Variants in FAM107B observed in about 807,000 individuals in gnomAD.
FAM107B encodes protein FAM107B.
In FAM107B, 21 loss-of-function variants were observed where a neutral mutation model predicts 31.5. The observed-to-expected ratio is 0.67, with a 90% CI of 0.47 to 0.96. The LOEUF is 0.96. FAM107B is among the 40% of genes least tolerant of loss of function. FAM107B has a pLI of 0.00. For synonymous variants in FAM107B, 157 were observed against 141.5 expected, an observed-to-expected ratio of 1.11 and a Z score of -0.78; for missense variants, 452 against 377.1, an observed-to-expected ratio of 1.20 and a Z score of -1.64.
chr10:14,727,001 G>A (rs1856049981), intron 1 of FAM107B, among the ~76,000 whole-genome samples: 1 of 151,912 alleles, frequency 6.6e-6, no homozygotes, highest in African/African-American at 2.4e-5. Context: ...TGGGGGTGAT[G>A]GGAGACAGTT....
chr10:14,531,791 C>T (rs1366217349), intron 2 of FAM107B, among the ~76,000 whole-genome samples: 1 of 152,120 alleles, frequency 6.6e-6, no homozygotes, highest in Non-Finnish European at 1.5e-5. Flanking sequence ...GCCGAGATCG[C>T]ACCATTGCAC....
chr10:14,521,424 G>A, intron 4 of FAM107B, 118 bp from the exon 5 acceptor site: 1 of 802,910 alleles, frequency 1.2e-6, no homozygotes, highest in Non-Finnish European at 2.0e-6. Flanking sequence ...ATTCTCTCCT[G>A]GTCCCCCACT....
In FAM107B at chr10:14,739,659, T is replaced by A. The variant is rs1856391206; in HGVS notation, c.411+34594A>T. ...TGAATGAGCGAATAAAGGGAAAATA[T>A]TTCATTTCCCAGACCACAAGAATTG... On this transcript the variant is annotated intron_variant, in intron 1 of 4. Coordinates refer to ENST00000181796, the MANE Select transcript of FAM107B (RefSeq NM_031453.4). 4.6e-5 allele frequency among the ~76,000 whole-genome samples: 7 copies of A among 152,218 alleles called. No individual in the cohort carries two copies. In the South Asian group the frequency reaches 1.2e-3, roughly 27 times the overall value.
At chr10:14,595,657 T>G (rs1852166432) in intron 2 of FAM107B, among the ~76,000 whole-genome samples, 3 of 152,058 alleles carry the variant, frequency 2.0e-5, no homozygotes, top group African/African-American at 7.2e-5. Flanking sequence ...AACTTTTTAC[T>G]TCTCTCCCCC....
At chr10:14,756,322 A>G (rs533130734) in intron 1 of FAM107B, among the ~76,000 whole-genome samples, 2 of 152,352 alleles carry the variant, frequency 1.3e-5, no homozygotes, top group Non-Finnish European at 2.9e-5. Context: ...GCTAGGGCAC[A>G]GTACCTAGGT....
chr10:14,712,292 T>A (rs571756400), intron 1 of FAM107B, among the ~76,000 whole-genome samples: 2 of 151,662 alleles, frequency 1.3e-5, no homozygotes, highest in South Asian at 2.1e-4. Flanking sequence ...TAAAAAAAAA[T>A]GTTTAAAAAG....
chr10:14,767,055 T>TAGAGAGAGAGAG lies in FAM107B; in HGVS notation c.411+7186_411+7197dup, dbSNP rs1186875187. Reference sequence around the variant, plus strand: ...ATATATATATATATATATATATATATAGAGAGAGAGAGAGAGAGAGAGAGA... The same window carrying TAGAGAGAGAGAG: ...ATATATATATATATATATATATATATAGAGAGAGAGAGAGAGAGAGAGAGAGAGAGAGAGAGA... On this transcript the variant is annotated intron_variant, in intron 1 of 4. Coordinates refer to ENST00000181796, the MANE Select transcript of FAM107B (RefSeq NM_031453.4). Among the ~76,000 whole-genome samples, 15 of 18,280 alleles carry TAGAGAGAGAGAG rather than the reference T, an allele frequency of 8.2e-4. 1 individual carries two copies. The highest frequency in any genetic ancestry group is 1.1e-3 in the Non-Finnish European group (10 of 8,950). 12.0% of individuals were successfully genotyped at this position (18,280 alleles called of 152,430 possible).
At chr10:14,577,436 TA>T (rs1258968268) in intron 2 of FAM107B, among the ~76,000 whole-genome samples, 1 of 152,258 alleles carries the variant, frequency 6.6e-6, no homozygotes, top group Non-Finnish European at 1.5e-5. Context: ...CGTGAATCTT[TA>T]AAAAAGCGAG....
intron 1 of FAM107B, among the ~76,000 whole-genome samples, chr10:14,668,265 G>A (rs1313794579): frequency 1.3e-5 from 2 of 151,976 alleles, no homozygotes; most frequent in African/African-American, 2.4e-5. Context: ...GCATGGTCTC[G>A]ATCTCCTGAC....
At chr10:14,596,210 G>A (rs79426680) in intron 2 of FAM107B, among the ~76,000 whole-genome samples, 2,684 of 151,896 alleles carry the variant, frequency 0.018, 78 homozygotes, top group African/African-American at 0.06. Context: ...TCTCCTCCTC[G>A]GAGGAGCCTC....
intron 1 of FAM107B, among the ~76,000 whole-genome samples, chr10:14,707,041 C>A (rs188924699): frequency 4.7e-4 from 72 of 152,150 alleles, no homozygotes; most frequent in African/African-American, 1.7e-3. Flanking sequence ...AGGAGAATTG[C>A]TTGAACCCGG....
At chr10:14,773,877 TATAA>T in intron 1 of FAM107B, among the ~76,000 whole-genome samples, 1 of 152,228 alleles carries the variant, frequency 6.6e-6, no homozygotes, top group East Asian at 1.9e-4. Flanking sequence ...TGGATTTTCA[TATAA>T]ATAAATTGAC....
At chr10:14,669,696 A>G (rs772865064) in intron 1 of FAM107B, among the ~76,000 whole-genome samples, 4 of 152,202 alleles carry the variant, frequency 2.6e-5, no homozygotes, top group Admixed American at 1.3e-4. Flanking sequence ...TTCTTGTTGC[A>G]TGTTCTTACT....
intron 1 of FAM107B, among the ~76,000 whole-genome samples, chr10:14,684,408 T>C (rs1350033170): frequency 6.6e-6 from 1 of 152,084 alleles, no homozygotes; most frequent in African/African-American, 2.4e-5. Context: ...GCCAAGATCA[T>C]GCCACAGCAC....
intron 1 of FAM107B, among the ~76,000 whole-genome samples, chr10:14,714,474 A>T (rs1855736963): frequency 6.6e-6 from 1 of 152,244 alleles, no homozygotes; most frequent in African/African-American, 2.4e-5. Flanking sequence ...GAGAGCCGGC[A>T]GCAGGAGTCA....
chr10:14,612,049 T>G, intron 2 of FAM107B, among the ~76,000 whole-genome samples: 1 of 151,620 alleles, frequency 6.6e-6, no homozygotes, highest in African/African-American at 2.4e-5. Flanking sequence ...CAGCTTTAGT[T>G]GTTGTGCTCC....
rs1426202952 is a variant in FAM107B at position 14,520,972 on chromosome 10, C to T, written c.*218G>A. On this transcript the variant is annotated 3_prime_UTR_variant, in exon 5 of 5. Transcript: ENST00000181796. ...TCTGAACACAGGTCCATCATTCCAA[C>T]TTACGTGCGGGGCACTGCCCTTCAT... The T allele has an allele frequency of 2.1e-6, 1 of 472,342 alleles. No individual in the cohort carries two copies. The highest frequency in any genetic ancestry group is 3.5e-5 in the East Asian group (1 of 28,898). 29.3% of individuals were successfully genotyped at this position (472,342 alleles called of 1,614,324 possible).
intron 2 of FAM107B, among the ~76,000 whole-genome samples, chr10:14,623,883 C>T (rs1853083642): frequency 6.6e-6 from 1 of 152,154 alleles, no homozygotes; most frequent in African/African-American, 2.4e-5. Flanking sequence ...TATGAAACAA[C>T]TCATTTTCCT....
chr10:14,686,032 C>G (rs1490902869), intron 1 of FAM107B, among the ~76,000 whole-genome samples: 1 of 152,082 alleles, frequency 6.6e-6, no homozygotes, highest in Non-Finnish European at 1.5e-5. Flanking sequence ...GGGACCCCAC[C>G]CCCCTGATTC....
Sources: allele counts gnomAD v4.1 joint callset (sites outside exome capture counted in the v4.1 genomes callset), GRCh38; gene constraint gnomAD v4.1.1; transcripts MANE v1.5; gene names NCBI Gene and HGNC (gene_info 2026-07-23, HGNC 2026-07-21).